PLBD1: variants seen among roughly 807,000 people sequenced by gnomAD.
The protein encoded by PLBD1 is phospholipase B domain containing 1, also known as lysosomal leucine aminopeptidase.
In PLBD1, 60 loss-of-function variants were observed where a neutral mutation model predicts 63.0. That is an observed-to-expected ratio of 0.95 (90% confidence interval 0.77 to 1.18). The LOEUF is 1.18. Among genes scored for constraint, PLBD1 ranks in the 50% most tolerant of loss-of-function variants. The pLI, the probability that PLBD1 is intolerant of heterozygous loss-of-function variation, is 0.00. For synonymous variants in PLBD1, 262 were observed against 248.0 expected (o/e 1.06, Z -0.53); for missense variants, 598 against 677.9 (o/e 0.88, Z 1.31).
chr12:14,510,521 CAA>C (rs1344759821), intron 8 of PLBD1, among the ~76,000 whole-genome samples: 1 of 152,214 alleles, frequency 6.6e-6, no homozygotes. Context: ...CAAAGCAAAA[CAA>C]GAGAAACAAA....
chr12:14,534,791 C>G (rs1218003025), intron 6 of PLBD1, among the ~76,000 whole-genome samples: 1 of 152,196 alleles, frequency 6.6e-6, no homozygotes, highest in Non-Finnish European at 1.5e-5. Flanking sequence ...ATCCGCCCAC[C>G]TTGGCCTCCC....
Position 14,511,641 on chromosome 12 carries a change from ACT to A in PLBD1, c.913_914del (p.Ser305CysfsTer3). The A allele has an allele frequency of 1.2e-6, 2 of 1,614,200 alleles. No individual in the cohort carries two copies. The highest frequency in any genetic ancestry group is 1.6e-4 in the Middle Eastern group (1 of 6,062). ...SGLILLQTTN[S>X]VFNKTLLKQV... Reference sequence around the variant, plus strand: ...GCTTTAGCAGGGTTTTATTAAACACACTGTTTGTGGTCTGCAGCAATATCAAT... The same window carrying A: ...GCTTTAGCAGGGTTTTATTAAACACAGTTTGTGGTCTGCAGCAATATCAAT... On this transcript the variant is annotated frameshift_variant, in exon 7 of 11. Coordinates refer to ENST00000240617, the MANE Select transcript of PLBD1 (RefSeq NM_024829.6). LOFTEE classifies it high-confidence loss of function.
intron 6 of PLBD1, among the ~76,000 whole-genome samples, chr12:14,513,188 G>T (rs1264699771): frequency 6.6e-6 from 1 of 152,020 alleles, no homozygotes; most frequent in Non-Finnish European, 1.5e-5. Context: ...TTTGATATCT[G>T]ACAAGGAAAC....
chr12:14,550,330 C>T (rs1264261246), intron 2 of PLBD1, among the ~76,000 whole-genome samples: 2 of 152,204 alleles, frequency 1.3e-5, no homozygotes, highest in South Asian at 4.1e-4. Flanking sequence ...TGGGCTGCTG[C>T]TACTGGTCTG....
chr12:14,519,919 T>C (rs1945363114), intron 6 of PLBD1, among the ~76,000 whole-genome samples: 1 of 152,192 alleles, frequency 6.6e-6, no homozygotes, highest in Non-Finnish European at 1.5e-5. Flanking sequence ...AGTCTAGTAT[T>C]GCAGAACAGC....
intron 6 of PLBD1, among the ~76,000 whole-genome samples, chr12:14,526,276 C>T (rs956961127): frequency 1.3e-4 from 20 of 152,128 alleles, no homozygotes; most frequent in African/African-American, 4.6e-4. Context: ...AAACACAAAA[C>T]CACAAATAGT....
intron 1 of PLBD1, among the ~76,000 whole-genome samples, chr12:14,560,746 C>T (rs1219945273): frequency 1.3e-5 from 2 of 152,148 alleles, no homozygotes; most frequent in Non-Finnish European, 2.9e-5. Flanking sequence ...GACTAAGATG[C>T]CTGCTGGAAG....
intron 2 of PLBD1, among the ~76,000 whole-genome samples, chr12:14,545,004 CCT>C (rs1475148838): frequency 1.3e-5 from 2 of 151,726 alleles, no homozygotes; most frequent in African/African-American, 2.4e-5. Flanking sequence ...TTCTTTCCCC[CCT>C]CTCTGTCTCT....
At chr12:14,520,836 GA>G (rs1168794383) in intron 6 of PLBD1, among the ~76,000 whole-genome samples, 1 of 152,190 alleles carries the variant, frequency 6.6e-6, no homozygotes, top group African/African-American at 2.4e-5. Context: ...TTTGCTGCTT[GA>G]GAATTCTGCA....
intron 2 of PLBD1, among the ~76,000 whole-genome samples, chr12:14,551,600 C>T (rs905037177): frequency 6.6e-6 from 1 of 152,124 alleles, no homozygotes; most frequent in Non-Finnish European, 1.5e-5. Flanking sequence ...TTTGTCAAAG[C>T]CCACTAAATC....
rs1945296752 is a variant in PLBD1 at position 14,511,341 on chromosome 12, GAC to G, written c.1103_1104del (p.Ser368ThrfsTer2). On this transcript the variant is annotated frameshift_variant, in exon 8 of 11. Coordinates refer to ENST00000240617, the MANE Select transcript of PLBD1 (RefSeq NM_024829.6). LOFTEE classifies it high-confidence loss of function. ...LDLKKVKLNHSLDKGTLYIVE... is the reference protein window; with the variant it reads ...LDLKKVKLNHXLDKGTLYIVE... ...ACAATGTACAGAGTGCCTTTGTCAA[GAC>G]TGTGGTTCAGCTTTACTTTCTTCAG... 3 of 1,613,318 alleles carry G rather than the reference GAC, an allele frequency of 1.9e-6. No homozygotes were observed. Among genetic ancestry groups the G allele is most frequent in the Non-Finnish European group, 2.5e-6 (3 of 1,179,388 alleles).
chr12:14,554,280 C>T (rs1200221738), intron 1 of PLBD1: 2 of 152,306 alleles, frequency 1.3e-5, no homozygotes, highest in Non-Finnish European at 2.9e-5. Context: ...CTCACTCTAC[C>T]ACCTTTAGGA....
chr12:14,519,140 G>T (rs1945356673), intron 6 of PLBD1, among the ~76,000 whole-genome samples: 1 of 152,188 alleles, frequency 6.6e-6, no homozygotes, highest in African/African-American at 2.4e-5. Flanking sequence ...AGGCTTCCTT[G>T]CCTGTGTGTA....
intron 1 of PLBD1, among the ~76,000 whole-genome samples, chr12:14,565,568 C>T (rs2136937542): frequency 6.6e-6 from 1 of 151,966 alleles, no homozygotes; most frequent in Non-Finnish European, 1.5e-5. Context: ...AGGGGATGGA[C>T]ATGCAATCCC....
At chr12:14,547,502 G>A (rs1404871569) in intron 2 of PLBD1, among the ~76,000 whole-genome samples, 1 of 152,118 alleles carries the variant, frequency 6.6e-6, no homozygotes, top group Non-Finnish European at 1.5e-5. Flanking sequence ...CTTACTAAAA[G>A]CAGGATTCCC....
intron 4 of PLBD1, among the ~76,000 whole-genome samples, chr12:14,540,404 G>A (rs567439326): frequency 1.3e-5 from 2 of 151,830 alleles, no homozygotes; most frequent in East Asian, 3.9e-4. Flanking sequence ...GTGGAGTGTG[G>A]GAAACATAGA....
At position 14,542,154 on chromosome 12, in the gene PLBD1, A is replaced by G. The variant is rs190026134; in HGVS notation, c.419+54T>C. On this transcript the variant is annotated intron_variant, in intron 3 of 10. Coordinates refer to ENST00000240617, the MANE Select transcript of PLBD1 (RefSeq NM_024829.6). ...AAAAAATTGCTGCTTGAAATTACAG[A>G]TTCAGTGCCTCCAACATTTAAAACA... 371 of 1,436,716 alleles carry G rather than the reference A, an allele frequency of 2.6e-4. 4 individuals carry two copies. In the East Asian group the frequency reaches 8.4e-3, roughly 32 times the overall value. 89.0% of individuals were successfully genotyped at this position (1,436,716 alleles called of 1,614,324 possible). A position where few individuals can be genotyped will look rare whatever the true frequency, so the allele number is the denominator to read the frequency against.
chr12:14,560,257 C>G (rs544096175), intron 1 of PLBD1, among the ~76,000 whole-genome samples: 1 of 152,302 alleles, frequency 6.6e-6, no homozygotes, highest in African/African-American at 2.4e-5. Context: ...GTAGCTTAAA[C>G]TATTCTCTCC....
rs561774639 is a variant in PLBD1, at chr12:14,539,813, A to G, written c.558+951T>C. On this transcript the variant is annotated intron_variant, in intron 4 of 10. Coordinates refer to ENST00000240617, the MANE Select transcript of PLBD1 (RefSeq NM_024829.6). ...AAAAAAAAAGTTAGAGTCTTACTGTATGCATTTTTCTGTAACTCATTCCTT... is the reference window on the plus strand; with the variant it reads ...AAAAAAAAAGTTAGAGTCTTACTGTGTGCATTTTTCTGTAACTCATTCCTT... Among the ~76,000 whole-genome samples, 27 of 151,076 alleles carry G rather than the reference A, an allele frequency of 1.8e-4. No homozygotes were observed. The South Asian group carries it at 5.6e-3, about 32-fold the overall frequency.
Sources: allele counts gnomAD v4.1 joint callset (sites outside exome capture counted in the v4.1 genomes callset), GRCh38; gene constraint gnomAD v4.1.1; transcripts MANE v1.5; gene names NCBI Gene and HGNC (gene_info 2026-07-23, HGNC 2026-07-21).